The following GALNTL6 variants were observed in gnomAD, a reference collection of about 807,000 sequenced individuals.
GALNTL6 encodes the protein polypeptide N-acetylgalactosaminyltransferase-like 6.
A neutral mutation model predicts 73.7 loss-of-function variants in GALNTL6; 46 were observed. That is an observed-to-expected ratio of 0.62 (90% CI 0.49 to 0.80). The LOEUF is 0.80. Among genes scored for constraint, GALNTL6 ranks in the 30% least tolerant of loss-of-function variants. The probability of loss-of-function intolerance (pLI) is 0.00; values close to 1 mark genes in which losing one functional copy is unlikely to be tolerated. For synonymous variants in GALNTL6, 259 were observed against 263.7 expected (o/e 0.98, Z 0.17); for missense variants, 604 against 755.0 (o/e 0.80, Z 2.34).
At chr4:172,343,207 G>C (rs747407256) in intron 4 of GALNTL6, among the ~76,000 whole-genome samples, 3 of 152,148 alleles carry the variant, frequency 2.0e-5, no homozygotes, top group Non-Finnish European at 4.4e-5. Flanking sequence ...ATGATCTAAA[G>C]ATTGAAATAT....
chr4:172,917,475 G>T (rs1747582791), intron 8 of GALNTL6, among the ~76,000 whole-genome samples: 1 of 152,130 alleles, frequency 6.6e-6, no homozygotes, highest in Non-Finnish European at 1.5e-5. Context: ...TACAGAATGG[G>T]AGGAAAGTTT....
chr4:172,808,417 G>A (rs1016919406), intron 5 of GALNTL6, among the ~76,000 whole-genome samples: 4 of 152,074 alleles, frequency 2.6e-5, no homozygotes, highest in East Asian at 1.9e-4. Context: ...TGAAGAGAAC[G>A]TTTGAAAAGT....
chr4:172,919,336 C>T (rs1245132631), intron 8 of GALNTL6, among the ~76,000 whole-genome samples: 11 of 152,172 alleles, frequency 7.2e-5, no homozygotes, highest in African/African-American at 2.7e-4. Context: ...TCTCAGTGTC[C>T]ATTTCATTCC....
At position 171,820,969 on chromosome 4, in the gene GALNTL6, A is replaced by G. The variant is rs568830788; in HGVS notation, c.138+6251A>G. ...AATTTTGAATTTTTTCATTATATTA[A>G]AAATGACCAAATTGTTAGGTATGCC... On this transcript the variant is annotated intron_variant, in intron 2 of 12. Coordinates refer to ENST00000506823, the MANE Select transcript of GALNTL6 (RefSeq NM_001034845.3). Among the ~76,000 whole-genome samples, 4 of 152,314 alleles carry G rather than the reference A, an allele frequency of 2.6e-5. No individual in the cohort carries two copies. The East Asian group carries it at 7.7e-4, about 29-fold the overall frequency.
chr4:172,652,867 A>G (rs552571541), intron 5 of GALNTL6, among the ~76,000 whole-genome samples: 4 of 152,140 alleles, frequency 2.6e-5, no homozygotes, highest in Non-Finnish European at 5.9e-5. Flanking sequence ...TTTCCTAATT[A>G]TAAGTTTTTT....
chr4:172,230,902 T>C (rs1312716575), intron 3 of GALNTL6, among the ~76,000 whole-genome samples: 1 of 152,152 alleles, frequency 6.6e-6, no homozygotes, highest in African/African-American at 2.4e-5. Flanking sequence ...AGTAACAAAA[T>C]TGTTCTGGGC....
chr4:172,186,609 C>A (rs554276715), intron 2 of GALNTL6, among the ~76,000 whole-genome samples: 6 of 152,164 alleles, frequency 3.9e-5, no homozygotes, highest in Non-Finnish European at 8.8e-5. Context: ...ATACATGCTA[C>A]AATGTGTATG....
rs1734379947 is a variant in GALNTL6 at position 172,159,268 on chromosome 4, G to T, written c.139-70388G>T. The stretch of plus-strand genomic sequence containing the variant: ...GGTACAATGTATGAGATGATCCCTG[G>T]CACCTACTGTATCTAGGCACTGGAA... On this transcript the variant is annotated intron_variant, in intron 2 of 12. Transcript: ENST00000506823. 2.0e-5 allele frequency among the ~76,000 whole-genome samples: 3 copies of T among 152,136 alleles called. No homozygotes were observed. The South Asian group carries it at 6.2e-4, about 32-fold the overall frequency.
intron 5 of GALNTL6, among the ~76,000 whole-genome samples, chr4:172,375,791 C>A (rs183330400): frequency 6.6e-6 from 1 of 152,276 alleles, no homozygotes; most frequent in Non-Finnish European, 1.5e-5. Context: ...CAAGAAAAAT[C>A]GGGTTTAGTG....
chr4:172,168,310 T>A (rs1472003015), intron 2 of GALNTL6, among the ~76,000 whole-genome samples: 1 of 152,070 alleles, frequency 6.6e-6, no homozygotes, highest in African/African-American at 2.4e-5. Flanking sequence ...TGAGAAGGAG[T>A]CTTGCTCTGT....
intron 5 of GALNTL6, among the ~76,000 whole-genome samples, chr4:172,528,952 C>CATATATATATATATATATATAT (rs765904258): frequency 0.026 from 612 of 23,276 alleles, 83 homozygotes; most frequent in African/African-American, 0.039. Context: ...TTCCCAAAGG[C>CATATATATATATATATATATAT]ATATATATAT....
chr4:172,867,573 C>T (rs1346215258), intron 7 of GALNTL6, among the ~76,000 whole-genome samples: 1 of 152,214 alleles, frequency 6.6e-6, no homozygotes, highest in Non-Finnish European at 1.5e-5. Flanking sequence ...TCTCAGCCTA[C>T]ATCACCTGTA....
chr4:172,379,327 G>A (rs1743171483), intron 5 of GALNTL6, among the ~76,000 whole-genome samples: 1 of 151,936 alleles, frequency 6.6e-6, no homozygotes, highest in Admixed American at 6.5e-5. Context: ...TCAGGAGATC[G>A]AGACCATCCT....
intron 5 of GALNTL6, among the ~76,000 whole-genome samples, chr4:172,372,775 G>A (rs183736365): frequency 3.3e-5 from 5 of 152,260 alleles, no homozygotes; most frequent in Admixed American, 2.6e-4. Flanking sequence ...CTTGATTAGA[G>A]TATAGAGGGG....
At chr4:172,315,997 A>G (rs1740530978) in intron 4 of GALNTL6, among the ~76,000 whole-genome samples, 1 of 152,206 alleles carries the variant, frequency 6.6e-6, no homozygotes, top group Non-Finnish European at 1.5e-5. Context: ...GCCTATATAG[A>G]AAAGAAGCTC....
chr4:172,063,682 A>T (rs907077477), intron 2 of GALNTL6, among the ~76,000 whole-genome samples: 1 of 152,168 alleles, frequency 6.6e-6, no homozygotes, highest in African/African-American at 2.4e-5. Context: ...CAGACAATCC[A>T]TAAAGCCCTT....
chr4:172,229,841 T>G (rs2110967880), intron 3 of GALNTL6, 77 bp downstream of exon 3: 1 of 845,778 alleles, frequency 1.2e-6, no homozygotes, highest in Middle Eastern at 2.2e-4. Context: ...GATCTCTAAT[T>G]AGCATTTCTT....
rs147326611 is a variant in GALNTL6 at position 172,589,967 on chromosome 4, T to C, written c.554-219394T>C. On this transcript the variant is annotated intron_variant, in intron 5 of 12. Transcript: ENST00000506823. ...GAAATGTCTACAGTTAATAGAGCAA[T>C]CAAATCTGCCCTGCTAGGGAAAATA... Among the ~76,000 whole-genome samples, 132 of 152,302 alleles carry C rather than the reference T, an allele frequency of 8.7e-4. 3 individuals carry two copies. The highest frequency in any genetic ancestry group is 3.0e-3 in the African/African-American group (125 of 41,564).
chr4:172,852,121 A>G (rs1743856193), intron 7 of GALNTL6, among the ~76,000 whole-genome samples: 1 of 152,082 alleles, frequency 6.6e-6, no homozygotes, highest in Non-Finnish European at 1.5e-5. Context: ...CTTGTCTTAA[A>G]GCTACATTTA....
Sources: allele counts gnomAD v4.1 joint callset (sites outside exome capture counted in the v4.1 genomes callset), GRCh38; gene constraint gnomAD v4.1.1; transcripts MANE v1.5; gene names NCBI Gene and HGNC (gene_info 2026-07-23, HGNC 2026-07-21).